Variants in SPIDR observed in about 807,000 individuals in gnomAD.
SPIDR encodes the protein DNA repair-scaffolding protein.
Under a neutral mutation model 104.6 loss-of-function variants are expected in SPIDR, and 93 were observed. The observed-to-expected ratio is 0.89, with a 90% CI of 0.75 to 1.06. SPIDR has a LOEUF of 1.06. Among genes scored for constraint, SPIDR ranks in the 50% least tolerant of loss-of-function variants. The pLI, the probability that SPIDR is intolerant of heterozygous loss-of-function variation, is 0.00. For synonymous variants in SPIDR, 431 were observed against 416.9 expected (o/e 1.03, Z -0.41); for missense variants, 1,154 against 1,111.2 (o/e 1.04, Z -0.55).
chr8:47,728,846 C>G, intron 17 of SPIDR, 87 bp from the exon 18 acceptor site: 7 of 1,463,020 alleles, frequency 4.8e-6, no homozygotes, highest in Non-Finnish European at 6.5e-6. Flanking sequence ...TCAGCAGACA[C>G]TCATGTTTAA....
intron 11 of SPIDR, among the ~76,000 whole-genome samples, chr8:47,676,593 T>G (rs553236098): frequency 7.9e-5 from 12 of 152,308 alleles, no homozygotes; most frequent in African/African-American, 2.6e-4. Context: ...TCATAAACCT[T>G]AACAAAATAT....
chr8:47,419,924 C>T (rs2065110955), intron 7 of SPIDR, among the ~76,000 whole-genome samples: 1 of 152,068 alleles, frequency 6.6e-6, no homozygotes, highest in South Asian at 2.1e-4. Context: ...TGTAGTTGAG[C>T]AGTTTTGAGT....
At chr8:47,506,332 C>T (rs2081472636) in intron 8 of SPIDR, among the ~76,000 whole-genome samples, 1 of 152,204 alleles carries the variant, frequency 6.6e-6, no homozygotes, top group Admixed American at 6.5e-5. Flanking sequence ...CACCATCATA[C>T]AGCTCTCCCG....
At chr8:47,733,393 AG>A (rs2085592843) in intron 19 of SPIDR, among the ~76,000 whole-genome samples, 1 of 152,234 alleles carries the variant, frequency 6.6e-6, no homozygotes, top group South Asian at 2.1e-4. Context: ...TCTCAAAAAA[AG>A]TAATAAAAAA....
At chr8:47,447,567 T>A (rs534412441) in intron 8 of SPIDR, among the ~76,000 whole-genome samples, 3 of 152,192 alleles carry the variant, frequency 2.0e-5, no homozygotes, top group Non-Finnish European at 4.4e-5. Flanking sequence ...CTGTGAACAT[T>A]GTTGAGAGGA....
rs2086163598 is a variant in SPIDR at position 47,735,514 on chromosome 8, T to C, written c.*64T>C. ...CAAGGGTGGTGGTGGTGGTGGTGAT[T>C]TGGGGTAGTTATTTGTTAACTATGG... is the stretch of plus-strand genomic sequence containing the variant. On this transcript the variant is annotated 3_prime_UTR_variant, in exon 20 of 20. Coordinates refer to ENST00000297423, the MANE Select transcript of SPIDR (RefSeq NM_001080394.4). 6.2e-7 allele frequency: 1 copy of C among 1,610,600 alleles called. No homozygotes were observed.
At chr8:47,684,684 A>C (rs2154476957) in intron 11 of SPIDR, among the ~76,000 whole-genome samples, 2 of 152,358 alleles carry the variant, frequency 1.3e-5, no homozygotes, top group South Asian at 4.1e-4. Context: ...AAAAGTAGAA[A>C]TCCAGCCAGC....
chr8:47,295,971 GTCTT>G (rs1225246969), intron 5 of SPIDR, among the ~76,000 whole-genome samples: 3 of 152,104 alleles, frequency 2.0e-5, no homozygotes, highest in African/African-American at 4.8e-5. Context: ...CTTTTTGATA[GTCTT>G]TCTAACAGGT....
chr8:47,582,071 G>A (rs2059760396), intron 8 of SPIDR, among the ~76,000 whole-genome samples: 2 of 152,082 alleles, frequency 1.3e-5, no homozygotes, highest in South Asian at 4.1e-4. Flanking sequence ...ACAAAAATTA[G>A]CCAGGCGTGG....
intron 8 of SPIDR, among the ~76,000 whole-genome samples, chr8:47,442,002 C>T (rs2069538914): frequency 6.6e-6 from 1 of 152,126 alleles, no homozygotes; most frequent in East Asian, 1.9e-4. Flanking sequence ...TGTATTTGCA[C>T]ATGCTAGTAT....
At chr8:47,337,286 C>T (rs1554610263) in intron 5 of SPIDR, among the ~76,000 whole-genome samples, 1 of 152,090 alleles carries the variant, frequency 6.6e-6, no homozygotes, top group East Asian at 1.9e-4. Flanking sequence ...CCTACCACCA[C>T]CTCTGGCTAA....
chr8:47,488,078 G>A (rs143276425), intron 8 of SPIDR, among the ~76,000 whole-genome samples: 2,747 of 152,198 alleles, frequency 0.018, 85 homozygotes, highest in African/African-American at 0.064. Context: ...CTGGTTTTTT[G>A]AAAGGATCAA....
intron 10 of SPIDR, among the ~76,000 whole-genome samples, chr8:47,623,777 A>G (rs1330934568): frequency 6.6e-6 from 1 of 152,224 alleles, no homozygotes; most frequent in Non-Finnish European, 1.5e-5. Flanking sequence ...ACTCCCACAC[A>G]ATAATAATGG....
At chr8:47,344,046 G>A (rs1446592512) in intron 5 of SPIDR, among the ~76,000 whole-genome samples, 1 of 151,432 alleles carries the variant, frequency 6.6e-6, no homozygotes, top group Non-Finnish European at 1.5e-5. Flanking sequence ...GTATACATGT[G>A]CCATGTTGGT....
chr8:47,576,538 A>G (rs1037608871), intron 8 of SPIDR, among the ~76,000 whole-genome samples: 6 of 152,148 alleles, frequency 3.9e-5, no homozygotes, highest in Non-Finnish European at 5.9e-5. Flanking sequence ...GGTTCAAACT[A>G]TCCTCGTGCT....
At chr8:47,501,669 T>C (rs2080463728) in intron 8 of SPIDR, among the ~76,000 whole-genome samples, 1 of 152,190 alleles carries the variant, frequency 6.6e-6, no homozygotes, top group Non-Finnish European at 1.5e-5. Flanking sequence ...GGCCAGAACT[T>C]CCAACACCAT....
At chr8:47,314,204 A>G (rs2044802746) in intron 5 of SPIDR, among the ~76,000 whole-genome samples, 2 of 152,230 alleles carry the variant, frequency 1.3e-5, no homozygotes, top group African/African-American at 4.8e-5. Flanking sequence ...AGTACACTGC[A>G]AAGTTAAAGA....
intron 8 of SPIDR, among the ~76,000 whole-genome samples, chr8:47,493,132 T>C (rs1283356272): frequency 2.0e-5 from 3 of 152,026 alleles, no homozygotes; most frequent in Non-Finnish European, 4.4e-5. Context: ...GCAAGGGTTA[T>C]ACATAGGTTT....
chr8:47,362,625 C>G (rs2056277726), intron 5 of SPIDR, among the ~76,000 whole-genome samples: 1 of 152,184 alleles, frequency 6.6e-6, no homozygotes, highest in African/African-American at 2.4e-5. Context: ...AAGGAATGAA[C>G]ACTCATATAT....
Sources: gnomAD v4.1 joint callset for allele counts (sites outside exome capture counted in the v4.1 genomes callset) on GRCh38, gnomAD v4.1.1 for gene constraint, MANE v1.5 for transcripts, NCBI Gene and HGNC (gene_info 2026-07-23, HGNC 2026-07-21) for gene names.